CAMK2D: variants seen among roughly 807,000 people sequenced by gnomAD.
CAMK2D encodes calcium/calmodulin dependent protein kinase II delta.
CAMK2D carries 37 observed loss-of-function variants against 84.0 expected under a neutral mutation model. The observed-to-expected ratio is 0.44, with a 90% CI of 0.34 to 0.58. The LOEUF is 0.58. Among genes scored for constraint, CAMK2D ranks in the 20% least tolerant of loss-of-function variants. The pLI, the probability that CAMK2D is intolerant of heterozygous loss-of-function variation, is 0.02. For missense variants in CAMK2D, 448 were observed against 652.5 expected, an observed-to-expected ratio of 0.69 and a Z score of 3.41; for synonymous variants, 202 against 212.5, an observed-to-expected ratio of 0.95 and a Z score of 0.43.
chr4:113,671,284 AT>A (rs1592790688), intron 2 of CAMK2D, among the ~76,000 whole-genome samples: 1 of 152,140 alleles, frequency 6.6e-6, no homozygotes, highest in Non-Finnish European at 1.5e-5. Context: ...AAGAACACAG[AT>A]TTTTTATGGT....
chr4:113,631,348 AT>A (rs1373374479), intron 3 of CAMK2D, among the ~76,000 whole-genome samples: 1 of 152,186 alleles, frequency 6.6e-6, no homozygotes, highest in Non-Finnish European at 1.5e-5. Context: ...CCTCGTCTCC[AT>A]TTTTTAAAAA....
intron 2 of CAMK2D, among the ~76,000 whole-genome samples, chr4:113,696,034 G>A (rs771518249): frequency 1.3e-5 from 2 of 151,940 alleles, no homozygotes; most frequent in Non-Finnish European, 2.9e-5. Context: ...TGCACCTCCT[G>A]ACAACTCTTA....
intron 9 of CAMK2D, 85 bp downstream of exon 9, chr4:113,517,478 A>G: frequency 1.7e-6 from 1 of 603,460 alleles, no homozygotes; most frequent in Non-Finnish European, 3.0e-6. Flanking sequence ...AATTATGGTT[A>G]AAAGAAAAAT....
Position 113,718,101 on chromosome 4 carries a change from GAGA to G in CAMK2D, c.160+41216_160+41218del, listed in dbSNP as rs142065300. Among the ~76,000 whole-genome samples, 445 of 152,250 alleles carry G rather than the reference GAGA, an allele frequency of 2.9e-3. 1 individual carries two copies. The highest frequency in any genetic ancestry group is 9.9e-3 in the African/African-American group (411 of 41,558). On this transcript the variant is annotated intron_variant, in intron 2 of 20. Transcript: ENST00000511664. The stretch of plus-strand genomic sequence containing the variant: ...GTTTTCTTTACCTGCTGCCTAGACA[GAGA>G]AGATTTACCAAGAGAGGGAAATTGC...
intron 5 of CAMK2D, chr4:113,548,760 A>G (rs959194969): frequency 1.2e-5 from 13 of 1,120,888 alleles, no homozygotes; most frequent in Admixed American, 1.8e-5. Flanking sequence ...AATGGAAGGG[A>G]GAACATTTTA....
At chr4:113,585,784 A>T (rs1021249798) in intron 4 of CAMK2D, among the ~76,000 whole-genome samples, 1 of 152,120 alleles carries the variant, frequency 6.6e-6, no homozygotes, top group Non-Finnish European at 1.5e-5. Flanking sequence ...ACTTTGTGCC[A>T]AAAAATAAAA....
intron 2 of CAMK2D, among the ~76,000 whole-genome samples, chr4:113,710,261 G>C (rs1406648281): frequency 6.6e-6 from 1 of 152,126 alleles, no homozygotes; most frequent in Non-Finnish European, 1.5e-5. Context: ...AACCAGCCCA[G>C]TGAAAAAGGA....
At chr4:113,593,414 C>A (rs35062297) in intron 4 of CAMK2D, among the ~76,000 whole-genome samples, 5 of 151,916 alleles carry the variant, frequency 3.3e-5, no homozygotes, top group African/African-American at 9.7e-5. Flanking sequence ...CTCCTCTGAA[C>A]CATCATGAGG....
intron 3 of CAMK2D, among the ~76,000 whole-genome samples, chr4:113,617,518 G>T (rs1447556090): frequency 6.6e-6 from 1 of 151,806 alleles, no homozygotes; most frequent in Admixed American, 6.6e-5. Context: ...CTATCTTACT[G>T]TACTCTCTGA....
At chr4:113,606,526 T>C (rs1591836639) in intron 4 of CAMK2D, among the ~76,000 whole-genome samples, 1 of 148,038 alleles carries the variant, frequency 6.8e-6, no homozygotes, top group Non-Finnish European at 1.5e-5. Flanking sequence ...AGGAAAGAAT[T>C]AGACAATCAG....
chr4:113,601,680 ATTCTTTTTTTT>A (rs2098952990), intron 4 of CAMK2D, among the ~76,000 whole-genome samples: 1 of 34,590 alleles, frequency 2.9e-5, no homozygotes, highest in African/African-American at 1.0e-4. Context: ...TTAACTGTTT[ATTCTTTTTTTT>A]TTTTTTTTTT....
chr4:113,591,298 TGA>T (rs1450139652), intron 4 of CAMK2D, among the ~76,000 whole-genome samples: 1 of 152,210 alleles, frequency 6.6e-6, no homozygotes, highest in Admixed American at 6.5e-5. Flanking sequence ...CAAACCATCA[TGA>T]GAGATAAAAT....
intron 4 of CAMK2D, among the ~76,000 whole-genome samples, chr4:113,556,673 T>C (rs987740904): frequency 2.0e-4 from 31 of 152,190 alleles, no homozygotes; most frequent in African/African-American, 6.7e-4. Flanking sequence ...AGTCCATCCA[T>C]TTCTAGTTAC....
intron 3 of CAMK2D, among the ~76,000 whole-genome samples, chr4:113,620,104 AGATAG>A (rs906858226): frequency 1.3e-5 from 2 of 152,180 alleles, no homozygotes; most frequent in African/African-American, 4.8e-5. Flanking sequence ...TGTTTCTCAA[AGATAG>A]GGTTGGGTAA....
At chr4:113,698,375 CTG>C (rs1266207604) in intron 2 of CAMK2D, among the ~76,000 whole-genome samples, 3 of 152,138 alleles carry the variant, frequency 2.0e-5, no homozygotes, top group East Asian at 3.9e-4. Context: ...AAAGATCTCT[CTG>C]TGCCTCAAAT....
chr4:113,493,943 G>C (rs972617446), intron 16 of CAMK2D, among the ~76,000 whole-genome samples: 12 of 152,130 alleles, frequency 7.9e-5, no homozygotes, highest in Non-Finnish European at 4.4e-5. Flanking sequence ...ATCGGCTCCT[G>C]AGGCTTCTGC....
chr4:113,711,134 T>C (rs1446216840), intron 2 of CAMK2D, among the ~76,000 whole-genome samples: 4 of 148,816 alleles, frequency 2.7e-5, no homozygotes, highest in African/African-American at 9.8e-5. Context: ...TTATATTTTA[T>C]TAAATATAAA....
intron 3 of CAMK2D, among the ~76,000 whole-genome samples, chr4:113,622,977 G>A (rs1212913348): frequency 6.6e-6 from 1 of 152,142 alleles, no homozygotes; most frequent in South Asian, 2.1e-4. Context: ...TGGGATAGGA[G>A]AGTGTTTTTA....
At chr4:113,531,943 A>C (rs2098461282) in intron 7 of CAMK2D, among the ~76,000 whole-genome samples, 1 of 152,228 alleles carries the variant, frequency 6.6e-6, no homozygotes, top group African/African-American at 2.4e-5. Context: ...TATTTCTGAA[A>C]ATAACAGTTT....
Sources: allele counts gnomAD v4.1 joint callset (sites outside exome capture counted in the v4.1 genomes callset), GRCh38; gene constraint gnomAD v4.1.1; transcripts MANE v1.5; gene names NCBI Gene and HGNC (gene_info 2026-07-23, HGNC 2026-07-21).